The following ANO7 variants were observed in gnomAD, a reference collection of about 807,000 sequenced individuals.
The protein encoded by ANO7 is anoctamin 7.
In ANO7, 114 loss-of-function variants were observed where a neutral mutation model predicts 115.8. That is an observed-to-expected ratio of 0.98 (90% CI 0.85 to 1.15). The LOEUF is 1.15. Ranked by LOEUF, ANO7 falls within the 50% of genes most tolerant of loss-of-function variation. The pLI, the probability that ANO7 is intolerant of heterozygous loss-of-function variation, is 0.00. For synonymous variants in ANO7, 550 were observed against 498.2 expected, an observed-to-expected ratio of 1.10 and a Z score of -1.38; for missense variants, 1,302 against 1,201.2, an observed-to-expected ratio of 1.08 and a Z score of -1.24.
At chr2:241,236,223 G>A in the ANO7 span, 4 of 254,858 alleles carry the variant, frequency 1.6e-5, no homozygotes, top group South Asian at 6.4e-5. Flanking sequence ...GTACGCAGGT[G>A]GCACTCGACA....
chr2:241,212,961 C>T (rs2068748601), intron 17 of ANO7: 2 of 278,116 alleles, frequency 7.2e-6, no homozygotes, highest in South Asian at 1.0e-4. Context: ...AGTGAGTCCT[C>T]ATCGCCACAA....
intron 19 of ANO7, 126 bp downstream of exon 19, chr2:241,216,364 G>A (rs2068828914): frequency 1.6e-6 from 2 of 1,270,304 alleles, no homozygotes; most frequent in East Asian, 2.6e-5. Context: ...TGCTGTGGGG[G>A]TGGGGTGGGA....
intron 3 of ANO7, among the ~76,000 whole-genome samples, chr2:241,194,299 A>G (rs1574758018): frequency 7.2e-6 from 1 of 138,098 alleles, no homozygotes; most frequent in South Asian, 2.2e-4. Context: ...TATAGAAATT[A>G]TTTATTTCCT....
At chr2:241,205,321 TAGGAGTGCTCCCAGGCTGACAGGTGGTC>T (rs1182220170) in intron 10 of ANO7, among the ~76,000 whole-genome samples, 8 of 121,974 alleles carry the variant, frequency 6.6e-5, no homozygotes, top group African/African-American at 2.2e-4. Flanking sequence ...CACCGGTGGA[TAGGAGTGCTCCCAGGCTGACAGGTGGTC>T]AGGAGTGCTC....
intron 4 of ANO7, 134 bp downstream of exon 4, chr2:241,195,979 C>A: frequency 1.9e-6 from 3 of 1,559,024 alleles, no homozygotes; most frequent in Non-Finnish European, 2.6e-6. Context: ...CTGCTGGACC[C>A]CCCAGCCACC....
Position 241,202,216 on chromosome 2 carries a change from C to T in ANO7, c.635C>T (p.Thr212Ile). Residue 212 changes from threonine to isoleucine, a missense_variant, in exon 8 of 25, where the codon ACC becomes ATC. Transcript: ENST00000674324. ...HQILFEILAK[T>I]PYGHEKKNLL... Reference sequence around the variant, plus strand: ...CAGCTGTTTGAGATCCTGGCCAAGACCCCGTATGGCCACGAGAAGAAAAAC... The same window carrying T: ...CAGCTGTTTGAGATCCTGGCCAAGATCCCGTATGGCCACGAGAAGAAAAAC... 1 of 1,613,830 alleles carries T rather than the reference C, an allele frequency of 6.2e-7. No individual in the cohort carries two copies. Among genetic ancestry groups the T allele is most frequent in the Non-Finnish European group, 8.5e-7 (1 of 1,179,944 alleles).
At chr2:241,230,978 G>A in the ANO7 span, 2 of 1,574,714 alleles carry the variant, frequency 1.3e-6, no homozygotes, top group South Asian at 2.2e-5. The surrounding 1 kb of genome is among the most constrained non-coding windows in gnomAD (Gnocchi z 5.0). Flanking sequence ...AAAAGGGGAT[G>A]CCTTACTGGG....
intron 11 of ANO7, among the ~76,000 whole-genome samples, chr2:241,207,902 T>C (rs2068629012): frequency 6.6e-6 from 1 of 152,122 alleles, no homozygotes; most frequent in Admixed American, 6.5e-5. Context: ...TGCTTCCCAC[T>C]TGAGGACACC....
At chr2:241,194,179 ATTTT>A (rs59855055) in intron 3 of ANO7, among the ~76,000 whole-genome samples, 2 of 124,004 alleles carry the variant, frequency 1.6e-5, no homozygotes, top group South Asian at 2.5e-4. Flanking sequence ...CTGGCCTTTA[ATTTT>A]TTTTTTTTTT....
At position 241,204,846 on chromosome 2, in the gene ANO7, C is replaced by A. The variant is rs1339481542; in HGVS notation, c.890-19C>A. The stretch of plus-strand genomic sequence containing the variant: ...AAGCCTGGGTTCCTGATGGTGGACC[C>A]CTGCCATCCTCTCTACAGGGTTTTA... On this transcript the variant is annotated intron_variant, in intron 9 of 24. Coordinates refer to ENST00000674324, the MANE Select transcript of ANO7 (RefSeq NM_001370694.2). The A allele has an allele frequency of 6.2e-7, 1 of 1,607,662 alleles. No homozygotes were observed. Among genetic ancestry groups the A allele is most frequent in the South Asian group, 1.1e-5 (1 of 90,786 alleles).
At position 241,224,237 on chromosome 2, in the gene ANO7, C is replaced by G; in HGVS notation, c.*84C>G. On this transcript the variant is annotated 3_prime_UTR_variant, in exon 25 of 25. Transcript: ENST00000674324. ...AGCGTCCTTTTCCTCTTCCCTCAGG[C>G]AGCGGCTGTGTGAACCGCTGGCTGC... The G allele has an allele frequency of 6.7e-7, 1 of 1,493,318 alleles. No individual in the cohort carries two copies. Among genetic ancestry groups the G allele is most frequent in the Non-Finnish European group, 9.2e-7 (1 of 1,084,704 alleles). 92.5% of individuals were successfully genotyped at this position (1,493,318 alleles called of 1,614,324 possible). A position where few individuals can be genotyped will look rare whatever the true frequency, so the allele number is the denominator to read the frequency against.
chr2:241,192,948 G>C (rs978407582), intron 3 of ANO7, among the ~76,000 whole-genome samples: 1 of 152,184 alleles, frequency 6.6e-6, no homozygotes, highest in Non-Finnish European at 1.5e-5. Flanking sequence ...AATGGGCGTA[G>C]GGATTCAGTG....
At chr2:241,234,159 T>C in the ANO7 span, among the ~76,000 whole-genome samples, 1 of 152,198 alleles carries the variant, frequency 6.6e-6, no homozygotes, top group South Asian at 2.1e-4. Context: ...CCAGGGAACT[T>C]GGCTGCTCCA....
intron 22 of ANO7, 64 bp from the exon 23 acceptor site, chr2:241,223,598 G>T (rs2069078933): frequency 3.8e-6 from 6 of 1,584,256 alleles, no homozygotes; most frequent in Non-Finnish European, 5.2e-6. Context: ...GCCCCGGCCT[G>T]CCTGGCCCTG....
chr2:241,201,196 C>G, intron 6 of ANO7, 102 bp from the exon 7 acceptor site: 1 of 1,468,486 alleles, frequency 6.8e-7, no homozygotes. Context: ...GGCCCCAAAC[C>G]TTCTGCACCG....
In ANO7 at chr2:241,224,331, G is replaced by A; in HGVS notation, c.*178G>A. 3.0e-6 allele frequency: 2 copies of A among 666,974 alleles called. No individual in the cohort carries two copies. The highest frequency in any genetic ancestry group is 2.8e-5 in the East Asian group (1 of 36,354). 41.3% of individuals were successfully genotyped at this position (666,974 alleles called of 1,614,324 possible). On this transcript the variant is annotated 3_prime_UTR_variant, in exon 25 of 25. Coordinates refer to ENST00000674324, the MANE Select transcript of ANO7 (RefSeq NM_001370694.2). Reference sequence around the variant, plus strand: ...GCCGGCTTCTCTCCTCAGAGCGCCTGTCACTCCATCCCCGGCAGGGAGGGA... The same window carrying A: ...GCCGGCTTCTCTCCTCAGAGCGCCTATCACTCCATCCCCGGCAGGGAGGGA...
intron 17 of ANO7, 55 bp from the exon 18 acceptor site, chr2:241,214,750 C>A: frequency 6.6e-7 from 1 of 1,507,808 alleles, no homozygotes; most frequent in Non-Finnish European, 9.1e-7. Flanking sequence ...AGAAGGGATG[C>A]GTGGGTGAGT....
At chr2:241,234,383 G>C in the ANO7 span, among the ~76,000 whole-genome samples, 2 of 152,222 alleles carry the variant, frequency 1.3e-5, no homozygotes, top group East Asian at 1.9e-4. Context: ...CACAGCCCCT[G>C]AACACCCATG....
chr2:241,222,866 G>A lies in ANO7; in HGVS notation c.2322-320G>A, dbSNP rs982984920. ...CCGTGTAAGTAGACTGAAGTCATCC[G>A]TAGAAGCACAGACGTACTGGACTGT... On this transcript the variant is annotated intron_variant, in intron 21 of 24. Coordinates refer to ENST00000674324, the MANE Select transcript of ANO7 (RefSeq NM_001370694.2). Among the ~76,000 whole-genome samples the A allele has an allele frequency of 3.3e-5, 5 of 152,200 alleles. No individual in the cohort carries two copies. The East Asian group carries it at 7.7e-4, about 23-fold the overall frequency.
Sources: gnomAD v4.1 joint callset for allele counts (sites outside exome capture counted in the v4.1 genomes callset) on GRCh38, gnomAD v4.1.1 for gene constraint, Gnocchi (gnomAD v3.1) non-coding constraint, MANE v1.5 for transcripts, NCBI Gene and HGNC (gene_info 2026-07-23, HGNC 2026-07-21) for gene names.